The following HNF4G variants were observed in gnomAD, a reference collection of about 807,000 sequenced individuals.
The protein encoded by HNF4G is hepatocyte nuclear factor 4 gamma, also known as hepatocyte nuclear factor 4-gamma.
Under a neutral mutation model 50.9 loss-of-function variants are expected in HNF4G, and 21 were observed. That is an observed-to-expected ratio of 0.41 (90% CI 0.29 to 0.59). The LOEUF (loss-of-function observed/expected upper bound fraction) is 0.59, where lower values mean the gene tolerates loss of function less well. Ranked by LOEUF, HNF4G falls within the 20% of genes least tolerant of loss-of-function variation. The probability of loss-of-function intolerance (pLI) is 0.26; values close to 1 mark genes in which losing one functional copy is unlikely to be tolerated. For missense variants in HNF4G, 527 were observed against 559.4 expected (o/e 0.94, Z 0.58); for synonymous variants, 198 against 185.6 (o/e 1.07, Z -0.54).
chr8:75,484,108 A>G (rs1812443085), intron 1 of HNF4G, among the ~76,000 whole-genome samples: 1 of 152,228 alleles, frequency 6.6e-6, no homozygotes, highest in Non-Finnish European at 1.5e-5. Context: ...CAAAATTGGC[A>G]ATATATTTTC....
chr8:75,421,960 G>A (rs373901239), intron 1 of HNF4G, among the ~76,000 whole-genome samples: 41 of 152,276 alleles, frequency 2.7e-4, no homozygotes, highest in East Asian at 1.5e-3. Context: ...TGCGCGTCAG[G>A]TGGAGGGTAG....
At chr8:75,512,411 C>A (rs560552538) in intron 2 of HNF4G, among the ~76,000 whole-genome samples, 5 of 149,896 alleles carry the variant, frequency 3.3e-5, no homozygotes, top group African/African-American at 1.2e-4. Flanking sequence ...TCTCTTACTT[C>A]ATTTTAGATA....
At chr8:75,501,190 A>C (rs879405112) in intron 2 of HNF4G, among the ~76,000 whole-genome samples, 4 of 152,184 alleles carry the variant, frequency 2.6e-5, no homozygotes, top group Admixed American at 6.5e-5. Context: ...CAGTAATCCC[A>C]GCACATTGGG....
chr8:75,439,469 CTCA>C, intron 1 of HNF4G, among the ~76,000 whole-genome samples: 1 of 152,028 alleles, frequency 6.6e-6, no homozygotes, highest in Middle Eastern at 3.4e-3. Flanking sequence ...AATTATAGGA[CTCA>C]TCATAATAAT....
At chr8:75,423,949 G>T (rs1023038308) in intron 1 of HNF4G, among the ~76,000 whole-genome samples, 4 of 143,998 alleles carry the variant, frequency 2.8e-5, no homozygotes, top group African/African-American at 1.0e-4. Context: ...TCAGCCTCCC[G>T]AGTAGCTGGG....
chr8:75,471,480 T>C (rs565153457), intron 1 of HNF4G, among the ~76,000 whole-genome samples: 1 of 152,192 alleles, frequency 6.6e-6, no homozygotes, highest in Non-Finnish European at 1.5e-5. Context: ...CTTACATTGA[T>C]AGAGTGTTTC....
intron 2 of HNF4G, among the ~76,000 whole-genome samples, chr8:75,515,426 A>G (rs1433645992): frequency 6.6e-6 from 1 of 152,128 alleles, no homozygotes; most frequent in Non-Finnish European, 1.5e-5. Context: ...ACACATACAT[A>G]TATATTCATT....
chr8:75,462,860 T>C (rs748302370), intron 1 of HNF4G, among the ~76,000 whole-genome samples: 3 of 152,092 alleles, frequency 2.0e-5, no homozygotes, highest in African/African-American at 4.8e-5. Context: ...TTTTAGAAAA[T>C]AACAAAGATA....
At chr8:75,439,337 A>T (rs955554902) in intron 1 of HNF4G, among the ~76,000 whole-genome samples, 1 of 151,984 alleles carries the variant, frequency 6.6e-6, no homozygotes, top group Non-Finnish European at 1.5e-5. Flanking sequence ...TAAATGATGA[A>T]TTTTTTACAT....
At chr8:75,431,214 G>C (rs942920589) in intron 1 of HNF4G, among the ~76,000 whole-genome samples, 1 of 152,126 alleles carries the variant, frequency 6.6e-6, no homozygotes, top group Non-Finnish European at 1.5e-5. Context: ...AGGAGATAGA[G>C]AGGACAGAAA....
chr8:75,461,490 C>G (rs925268805), intron 1 of HNF4G, among the ~76,000 whole-genome samples: 4 of 152,162 alleles, frequency 2.6e-5, no homozygotes, highest in African/African-American at 9.7e-5. Context: ...ACAATCTCCT[C>G]TATTTCAAAA....
At chr8:75,533,675 A>G (rs1349096754) in intron 2 of HNF4G, among the ~76,000 whole-genome samples, 1 of 151,964 alleles carries the variant, frequency 6.6e-6, no homozygotes, top group African/African-American at 2.4e-5. Flanking sequence ...CTAAAAATAC[A>G]TTTATCAAAA....
At chr8:75,562,122 T>C (rs898648713) in intron 9 of HNF4G, among the ~76,000 whole-genome samples, 1 of 133,054 alleles carries the variant, frequency 7.5e-6, no homozygotes, top group Admixed American at 7.3e-5. Flanking sequence ...TAGTCTTTAA[T>C]AGCTAGCTAC....
chr8:75,480,911 T>G (rs895209526), intron 1 of HNF4G, among the ~76,000 whole-genome samples: 2 of 152,020 alleles, frequency 1.3e-5, no homozygotes, highest in Admixed American at 6.6e-5. Flanking sequence ...GAGACGGAGT[T>G]TCGCCATGTT....
chr8:75,463,963 G>C (rs370078122), intron 1 of HNF4G, among the ~76,000 whole-genome samples: 2 of 151,738 alleles, frequency 1.3e-5, no homozygotes, highest in East Asian at 1.9e-4. Context: ...TCATAGAGAC[G>C]GGGTTTCTCC....
chr8:75,558,662 T>C lies in HNF4G; in HGVS notation c.878T>C (p.Phe293Ser). 6.2e-7 allele frequency: 1 copy of C among 1,611,052 alleles called. No homozygotes were observed. The highest frequency in any genetic ancestry group is 8.5e-7 in the Non-Finnish European group (1 of 1,179,170). The change falls in exon 7 of 10, where the codon TTT becomes TCT. Residue 293 changes from phenylalanine to serine, a missense_variant. By Grantham distance (155) the Phe-to-Ser change is radical. Transcript: ENST00000396423. Reference sequence around the variant, plus strand: ...GCTTGTTTAAAGGCAATTGTATTTTTTGATCCAGGTTGGTTTTCAAAATTC... The same window carrying C: ...GCTTGTTTAAAGGCAATTGTATTTTCTGATCCAGGTTGGTTTTCAAAATTC... ...EYACLKAIVF[F>S]DPDAKGLSDP... is the part of the protein sequence containing the mutation.
At chr8:75,504,230 G>GACACAC (rs201513424) in intron 2 of HNF4G, among the ~76,000 whole-genome samples, 5,871 of 108,168 alleles carry the variant, frequency 0.054, 193 homozygotes, top group East Asian at 0.19. Context: ...AAAGCACACA[G>GACACAC]ACACACACAC....
intron 2 of HNF4G, among the ~76,000 whole-genome samples, chr8:75,512,424 C>T (rs976367520): frequency 2.8e-5 from 4 of 145,452 alleles, no homozygotes; most frequent in African/African-American, 1.0e-4. Context: ...TTTAGATAAA[C>T]ATCTTTATTA....
At chr8:75,507,700 T>C (rs1054688493) in intron 2 of HNF4G, among the ~76,000 whole-genome samples, 17 of 152,206 alleles carry the variant, frequency 1.1e-4, no homozygotes, top group Non-Finnish European at 4.4e-5. Context: ...TTTATAAAAC[T>C]ATCTGATATA....
Sources: gnomAD v4.1 joint callset for allele counts (sites outside exome capture counted in the v4.1 genomes callset) on GRCh38, gnomAD v4.1.1 for gene constraint, MANE v1.5 for transcripts, NCBI Gene and HGNC (gene_info 2026-07-23, HGNC 2026-07-21) for gene names.